The following CSMD1 variants were observed in gnomAD, a reference collection of about 807,000 sequenced individuals.
CSMD1 encodes the protein CUB and sushi domain-containing protein 1.
CSMD1 carries 213 observed loss-of-function variants against 417.5 expected under a neutral mutation model. That is an observed-to-expected ratio of 0.51 (90% CI 0.46 to 0.57). The LOEUF (loss-of-function observed/expected upper bound fraction) is 0.57, where lower values mean the gene tolerates loss of function less well. Among genes scored for constraint, CSMD1 ranks in the 20% least tolerant of loss-of-function variants. The pLI, the probability that CSMD1 is intolerant of heterozygous loss-of-function variation, is 0.00. For missense variants in CSMD1, 6,923 were observed against 4,529.7 expected (o/e 1.53, Z -15.17); for synonymous variants, 2,862 against 1,736.8 (o/e 1.65, Z -16.11).
intron 1 of CSMD1, among the ~76,000 whole-genome samples, chr8:4,748,529 G>A (rs2117037576): frequency 6.6e-6 from 1 of 152,300 alleles, no homozygotes; most frequent in African/African-American, 2.4e-5. Flanking sequence ...AACTGTTCGT[G>A]AAACGGTATT....
chr8:4,555,553 C>A (rs1007324657), intron 2 of CSMD1, among the ~76,000 whole-genome samples: 7 of 152,104 alleles, frequency 4.6e-5, no homozygotes, highest in African/African-American at 1.4e-4. Flanking sequence ...TTTCCTGTTA[C>A]AATTGCCTCC....
chr8:4,316,344 C>A (rs1798928200), intron 3 of CSMD1, among the ~76,000 whole-genome samples: 1 of 152,042 alleles, frequency 6.6e-6, no homozygotes. Context: ...CAAGCGGTTT[C>A]TTAGGTTATG....
At chr8:3,524,815 G>C (rs1347827963) in intron 10 of CSMD1, among the ~76,000 whole-genome samples, 1 of 148,714 alleles carries the variant, frequency 6.7e-6, no homozygotes, top group African/African-American at 2.5e-5. Flanking sequence ...CACATGCACA[G>C]ACACACATGC....
intron 3 of CSMD1, among the ~76,000 whole-genome samples, chr8:4,197,492 C>T (rs954949259): frequency 6.6e-6 from 1 of 152,162 alleles, no homozygotes; most frequent in African/African-American, 2.4e-5. Flanking sequence ...AGATGGAAAA[C>T]TGACTCTCTG....
In CSMD1 at chr8:4,723,787, T is replaced by TAAAAA. The variant is rs57096241; in HGVS notation, c.86-86234_86-86230dup. On this transcript the variant is annotated intron_variant, in intron 1 of 69. Transcript: ENST00000635120. ...TGTAAATGCAATATGCTTTCGAATG[T>TAAAAA]AAAAAAAAAAAAACAAAAAAAAAAC... Among the ~76,000 whole-genome samples the TAAAAA allele has an allele frequency of 2.8e-3, 369 of 131,314 alleles. 5 individuals carry two copies. Among genetic ancestry groups the TAAAAA allele is most frequent in the South Asian group, 0.014 (56 of 4,016 alleles). 86.1% of individuals were successfully genotyped at this position (131,314 alleles called of 152,430 possible).
intron 1 of CSMD1, among the ~76,000 whole-genome samples, chr8:4,783,610 A>T (rs1267825525): frequency 1.3e-5 from 2 of 152,220 alleles, no homozygotes; most frequent in African/African-American, 2.4e-5. Context: ...TTCTCATTGC[A>T]GTGCCTCTTT....
intron 3 of CSMD1, among the ~76,000 whole-genome samples, chr8:4,281,173 G>C (rs552063181): frequency 2.6e-5 from 4 of 152,150 alleles, no homozygotes; most frequent in Non-Finnish European, 4.4e-5. Context: ...TGGTTTTCAG[G>C]TCAAATGTAA....
At chr8:4,726,607 G>A (rs1317174717) in intron 1 of CSMD1, among the ~76,000 whole-genome samples, 7 of 152,230 alleles carry the variant, frequency 4.6e-5, no homozygotes, top group South Asian at 4.1e-4. Flanking sequence ...ATCAGCTTCT[G>A]CAAAAGATAG....
chr8:3,424,511 A>T (rs1445779455), intron 12 of CSMD1, among the ~76,000 whole-genome samples: 1 of 152,236 alleles, frequency 6.6e-6, no homozygotes. Flanking sequence ...CATATAGAGA[A>T]AAAAAGTTAA....
chr8:3,226,425 A>C (rs1798507007), intron 27 of CSMD1, among the ~76,000 whole-genome samples: 1 of 152,048 alleles, frequency 6.6e-6, no homozygotes, highest in Non-Finnish European at 1.5e-5. Flanking sequence ...TCTACTAAAA[A>C]TACAAAAAAT....
intron 1 of CSMD1, among the ~76,000 whole-genome samples, chr8:4,825,197 A>G (rs185075607): frequency 6.6e-6 from 1 of 152,118 alleles, no homozygotes. Context: ...GAAGAGATGT[A>G]ATCAATATTC....
Position 4,799,628 on chromosome 8 carries a change from AG to A in CSMD1, c.86-162071del, listed in dbSNP as rs1368254873. ...AAAAAAAAAAAAAAAAAAAAAAAAA[AG>A]TAATCCCTGGGCACTCACACAAGTA... On this transcript the variant is annotated intron_variant, in intron 1 of 69. Coordinates refer to ENST00000635120, the MANE Select transcript of CSMD1 (RefSeq NM_033225.6). Among the ~76,000 whole-genome samples, 175 of 136,608 alleles carry A rather than the reference AG, an allele frequency of 1.3e-3. 4 individuals carry two copies. The highest frequency in any genetic ancestry group is 4.6e-3 in the African/African-American group (164 of 35,590). The allele number at this position is 136,608 out of a possible 152,430, so 89.6% of individuals were successfully genotyped here. A position where few individuals can be genotyped will look rare whatever the true frequency, so the allele number is the denominator to read the frequency against.
chr8:4,573,608 C>T (rs1319222244), intron 2 of CSMD1, among the ~76,000 whole-genome samples: 1 of 152,082 alleles, frequency 6.6e-6, no homozygotes, highest in East Asian at 1.9e-4. Context: ...GTCAGGGTCC[C>T]ACTTGAGGGG....
intron 41 of CSMD1, among the ~76,000 whole-genome samples, chr8:3,130,108 T>C (rs1425513777): frequency 1.3e-5 from 2 of 152,204 alleles, no homozygotes; most frequent in African/African-American, 4.8e-5. Flanking sequence ...GTTTATGGCA[T>C]ATAATTATGT....
chr8:3,690,030 T>C (rs1202778684), intron 7 of CSMD1, among the ~76,000 whole-genome samples: 3 of 152,238 alleles, frequency 2.0e-5, no homozygotes, highest in Admixed American at 2.0e-4. Flanking sequence ...GAGTTCTTGC[T>C]TTAGCAAACA....
chr8:2,988,982 G>C (rs1274918395), intron 54 of CSMD1, among the ~76,000 whole-genome samples: 1 of 152,176 alleles, frequency 6.6e-6, no homozygotes, highest in Non-Finnish European at 1.5e-5. Flanking sequence ...CATTAACTAA[G>C]TGCTGCACCA....
intron 2 of CSMD1, among the ~76,000 whole-genome samples, chr8:4,428,668 A>G (rs534343253): frequency 2.6e-5 from 4 of 152,232 alleles, no homozygotes; most frequent in Admixed American, 2.6e-4. Flanking sequence ...AAAATAGCTG[A>G]TAATGTCATA....
At chr8:4,042,845 AG>A (rs1366861615) in intron 3 of CSMD1, among the ~76,000 whole-genome samples, 4 of 136,296 alleles carry the variant, frequency 2.9e-5, no homozygotes, top group African/African-American at 1.1e-4. Flanking sequence ...AAAAAAAAGC[AG>A]GCTGGGCACG....
intron 1 of CSMD1, among the ~76,000 whole-genome samples, chr8:4,781,472 A>T (rs1381582857): frequency 2.0e-5 from 3 of 152,220 alleles, no homozygotes; most frequent in Non-Finnish European, 1.5e-5. Flanking sequence ...GCATGGAGGC[A>T]ACATAATCTC....
Sources: allele counts gnomAD v4.1 joint callset (sites outside exome capture counted in the v4.1 genomes callset), GRCh38; gene constraint gnomAD v4.1.1; transcripts MANE v1.5; gene names NCBI Gene and HGNC (gene_info 2026-07-23, HGNC 2026-07-21).